The following CYTIP variants were observed in gnomAD, a reference collection of about 807,000 sequenced individuals.
CYTIP encodes cytohesin-interacting protein.
A neutral mutation model predicts 43.8 loss-of-function variants in CYTIP; 26 were observed. That is an observed-to-expected ratio of 0.59 (90% CI 0.44 to 0.82). The LOEUF (loss-of-function observed/expected upper bound fraction) is 0.82. Ranked by LOEUF, CYTIP falls within the 40% of genes least tolerant of loss-of-function variation. The pLI is 0.00. For missense variants in CYTIP, 426 were observed against 443.1 expected (o/e 0.96, Z 0.35); for synonymous variants, 162 against 162.9 (o/e 0.99, Z 0.04).
At chr2:157,416,950 G>A (rs1246340006) in intron 7 of CYTIP, among the ~76,000 whole-genome samples, 1 of 151,900 alleles carries the variant, frequency 6.6e-6, no homozygotes, top group Non-Finnish European at 1.5e-5. Flanking sequence ...CACTAACTGA[G>A]TTGGTTGGTA....
intron 5 of CYTIP, among the ~76,000 whole-genome samples, chr2:157,428,828 G>T (rs532912512): frequency 6.6e-6 from 1 of 152,264 alleles, no homozygotes; most frequent in Admixed American, 6.5e-5. Context: ...TTTCAAATCT[G>T]CTCTCACAAA....
intron 6 of CYTIP, among the ~76,000 whole-genome samples, chr2:157,423,396 T>C (rs903094825): frequency 1.3e-5 from 2 of 151,810 alleles, no homozygotes; most frequent in African/African-American, 4.8e-5. Flanking sequence ...CAGAATAATA[T>C]TTTACTGTCA....
At chr2:157,434,676 A>C (rs11904180) in intron 2 of CYTIP, 22 bp downstream of exon 2, 1,387,977 of 1,582,610 alleles carry the variant, frequency 0.88, 610,354 homozygotes, top group Middle Eastern at 0.92. Context: ...GGGAGAGACA[A>C]AAAATAATTC....
chr2:157,423,036 G>C (rs1685547394), intron 6 of CYTIP, among the ~76,000 whole-genome samples: 1 of 152,036 alleles, frequency 6.6e-6, no homozygotes, highest in Admixed American at 6.5e-5. Flanking sequence ...GATAATACAA[G>C]AGTGGTGTAG....
At chr2:157,422,238 T>G (rs1006818751) in intron 6 of CYTIP, among the ~76,000 whole-genome samples, 1 of 152,176 alleles carries the variant, frequency 6.6e-6, no homozygotes, top group African/African-American at 2.4e-5. Context: ...GTTATCACAT[T>G]GTGCTGAAGG....
chr2:157,439,591 G>A (rs770828798), intron 1 of CYTIP, among the ~76,000 whole-genome samples: 5 of 152,150 alleles, frequency 3.3e-5, no homozygotes, highest in South Asian at 2.1e-4. Context: ...TAGTGATGGC[G>A]CCAAAAATCA....
chr2:157,438,746 C>A, intron 1 of CYTIP: 1 of 156,410 alleles, frequency 6.4e-6, no homozygotes, highest in South Asian at 1.6e-4. Context: ...AAATTCAATC[C>A]GAAACAAGAA....
At chr2:157,435,642 G>A (rs542844070) in intron 1 of CYTIP, among the ~76,000 whole-genome samples, 1 of 152,016 alleles carries the variant, frequency 6.6e-6, no homozygotes, top group Non-Finnish European at 1.5e-5. Flanking sequence ...TTGTTTCTTT[G>A]TTCAGGAAAT....
At chr2:157,442,552 CT>C (rs1685933951) in intron 1 of CYTIP, among the ~76,000 whole-genome samples, 1 of 151,482 alleles carries the variant, frequency 6.6e-6, no homozygotes, top group Non-Finnish European at 1.5e-5. Flanking sequence ...TAAAGAAAAT[CT>C]GACTGCTTTA....
chr2:157,424,339 CGAT>C (rs1685569838), intron 6 of CYTIP, among the ~76,000 whole-genome samples: 1 of 151,522 alleles, frequency 6.6e-6, no homozygotes, highest in East Asian at 1.9e-4. Context: ...TGTAAAGAAA[CGAT>C]AATAAGAACA....
chr2:157,443,338 C>CAAA (rs397871281), intron 1 of CYTIP, among the ~76,000 whole-genome samples: 2 of 143,846 alleles, frequency 1.4e-5, no homozygotes, highest in Admixed American at 6.9e-5. Context: ...CTCATCTATC[C>CAAA]AAAAAAAAAA....
At position 157,429,752 on chromosome 2, in the gene CYTIP, G is replaced by A. The variant is rs145921694; in HGVS notation, c.476+807C>T. 6.9e-3 allele frequency among the ~76,000 whole-genome samples: 1,047 copies of A among 152,220 alleles called. 9 individuals are homozygous for A. The highest frequency in any genetic ancestry group is 0.017 in the South Asian group (82 of 4,832). On this transcript the variant is annotated intron_variant, in intron 5 of 7. Coordinates refer to ENST00000264192, the MANE Select transcript of CYTIP (RefSeq NM_004288.5). ...TATTAAGAAGTTTGGGGCCAGGGGC[G>A]GTGGCTCATGCCTGTAATCCCAGCA...
At chr2:157,431,483 C>T (rs1365783380) in intron 3 of CYTIP, among the ~76,000 whole-genome samples, 1 of 152,198 alleles carries the variant, frequency 6.6e-6, no homozygotes, top group Non-Finnish European at 1.5e-5. Flanking sequence ...CAATTACCTT[C>T]ATTTCTGAGC....
At position 157,427,420 on chromosome 2, in the gene CYTIP, C is replaced by G. The variant is rs771079624; in HGVS notation, c.477G>C (p.Thr159=). The G allele has an allele frequency of 1.3e-6, 2 of 1,595,900 alleles. No individual in the cohort carries two copies. Among genetic ancestry groups the G allele is most frequent in the Admixed American group, 3.5e-5 (2 of 57,070 alleles). The change falls in exon 6 of 8, where the codon ACG becomes ACC. Residue 159 remains threonine, a splice_region_variant and synonymous_variant. Transcript: ENST00000264192. The stretch of plus-strand genomic sequence containing the variant: ...TCATTGTTCCATTAAGAGTCTCTAT[C>G]CTGTTTTAAGGAAAAAAAAAAGAAG... ...DLIRSSGNLL[T]IETLNGTMIL...
At chr2:157,425,626 G>C (rs1685593166) in intron 6 of CYTIP, among the ~76,000 whole-genome samples, 2 of 152,066 alleles carry the variant, frequency 1.3e-5, no homozygotes, top group Non-Finnish European at 2.9e-5. Flanking sequence ...TTGCTTAAAG[G>C]CATCAAATAA....
rs769331872 is a variant in CYTIP, at chr2:157,415,899, G to A, written c.858C>T (p.Ile286=). The A allele has an allele frequency of 3.1e-6, 5 of 1,614,162 alleles. No homozygotes were observed. The South Asian group carries it at 4.4e-5, about 14-fold the overall frequency. Residue 286 remains isoleucine, a synonymous_variant, in exon 8 of 8, where the codon ATC becomes ATT. Coordinates refer to ENST00000264192, the MANE Select transcript of CYTIP (RefSeq NM_004288.5). ...RQTSTDDECF[I]PKEGDDFLRR... is the part of the protein sequence containing the mutation. ...TCAGAAAATCATCCCCCTCCTTGGG[G>A]ATAAAGCACTCATCATCTGTACTCG...
At chr2:157,424,704 T>A (rs62175245) in intron 6 of CYTIP, among the ~76,000 whole-genome samples, 54,312 of 151,896 alleles carry the variant, frequency 0.36, 11,707 homozygotes, top group South Asian at 0.47. Context: ...AATAGATAAA[T>A]AAAATTTGAA....
chr2:157,443,830 C>T lies in CYTIP; in HGVS notation c.174+17G>A, dbSNP rs765279187. On this transcript the variant is annotated intron_variant, in intron 1 of 7. Transcript: ENST00000264192. ...GAGAATGTGAACACTCTAAAGGGTA[C>T]AAAATAGCAATCATACCTGCTTTCG... The T allele has an allele frequency of 6.2e-7, 1 of 1,613,148 alleles. No homozygotes were observed. Among genetic ancestry groups the T allele is most frequent in the Non-Finnish European group, 8.5e-7 (1 of 1,179,482 alleles).
chr2:157,434,551 A>G lies in CYTIP; in HGVS notation c.225-127T>C, dbSNP rs546150175. 2.9e-4 allele frequency: 264 copies of G among 923,182 alleles called. 1 individual carries two copies. Among genetic ancestry groups the G allele is most frequent in the Non-Finnish European group, 1.3e-4 (75 of 583,440 alleles). The allele number at this position is 923,182 out of a possible 1,614,324, so 57.2% of individuals were successfully genotyped here. ...ACATTTATGTAAATTGTAGTATGTA[A>G]GATTCTGTGTGTGTGTCTGTGTGTG... On this transcript the variant is annotated intron_variant, in intron 2 of 7. Coordinates refer to ENST00000264192, the MANE Select transcript of CYTIP (RefSeq NM_004288.5).
Sources: gnomAD v4.1 joint callset for allele counts (sites outside exome capture counted in the v4.1 genomes callset) on GRCh38, gnomAD v4.1.1 for gene constraint, MANE v1.5 for transcripts, NCBI Gene and HGNC (gene_info 2026-07-23, HGNC 2026-07-21) for gene names.